Variants in RPE observed in about 807,000 individuals in gnomAD.
RPE encodes ribulose-phosphate 3-epimerase.
Under a neutral mutation model 24.6 loss-of-function variants are expected in RPE, and 16 were observed. That is an observed-to-expected ratio of 0.65 (90% CI 0.44 to 0.99). The LOEUF (loss-of-function observed/expected upper bound fraction) is 0.99. Among genes scored for constraint, RPE ranks in the 50% least tolerant of loss-of-function variants. The probability of loss-of-function intolerance (pLI) is 0.00; values close to 1 mark genes in which losing one functional copy is unlikely to be tolerated. For missense variants in RPE, 240 were observed against 294.5 expected (o/e 0.81, Z 1.35); for synonymous variants, 93 against 98.4 (o/e 0.94, Z 0.33).
In RPE at chr2:210,019,871, T is replaced by C. The variant is rs1399691533; in HGVS notation, c.*80T>C. On this transcript the variant is annotated 3_prime_UTR_variant, in exon 6 of 6. Transcript: ENST00000359429. ...AGGAATATTGACTACCAAATCACAATGCAATTGAAGCCGTACTGCTTTTTT... is the reference window on the plus strand; with the variant it reads ...AGGAATATTGACTACCAAATCACAACGCAATTGAAGCCGTACTGCTTTTTT... 5.3e-6 allele frequency: 8 copies of C among 1,509,532 alleles called. No individual in the cohort carries two copies. The Admixed American group carries it at 1.7e-4, about 32-fold the overall frequency. The allele number at this position is 1,509,532 out of a possible 1,614,324, so 93.5% of individuals were successfully genotyped here. A position where few individuals can be genotyped will look rare whatever the true frequency, so the allele number is the denominator to read the frequency against.
In RPE at chr2:210,009,712, C is replaced by G. The variant is rs760045848; in HGVS notation, c.178C>G (p.Gln60Glu). ...GHPVVESLRK[Q>E]LGQDPFFDMH... The stretch of plus-strand genomic sequence containing the variant: ...CCCTGTGGTAGAAAGCCTTCGAAAG[C>G]AGCTAGGCCAGGACCCTTTCTTTGG... The change falls in exon 2 of 6, where the codon CAG becomes GAG. Residue 60 changes from glutamine (Q) to glutamate (E), a missense_variant. Transcript: ENST00000359429. The G allele has an allele frequency of 6.2e-7, 1 of 1,614,164 alleles. No individual in the cohort carries two copies. Among genetic ancestry groups the G allele is most frequent in the Non-Finnish European group, 8.5e-7 (1 of 1,180,004 alleles).
intron 2 of RPE, 90 bp from the exon 3 acceptor site, chr2:210,015,883 C>T: frequency 7.2e-7 from 1 of 1,382,390 alleles, no homozygotes; most frequent in Non-Finnish European, 9.9e-7. Context: ...GAGTTCTTAT[C>T]AGAAGTGGCA....
intron 2 of RPE, among the ~76,000 whole-genome samples, chr2:210,011,726 C>T (rs1372121625): frequency 6.6e-6 from 1 of 151,888 alleles, no homozygotes; most frequent in East Asian, 1.9e-4. Flanking sequence ...GGCAAGAGTA[C>T]AGTGGTACAG....
At chr2:210,018,288 A>G (rs1376565520) in intron 5 of RPE, 6 of 1,483,128 alleles carry the variant, frequency 4.0e-6, no homozygotes, top group African/African-American at 1.4e-5. Flanking sequence ...TTTAGAACCT[A>G]CATATTATTT....
intron 1 of RPE, among the ~76,000 whole-genome samples, chr2:210,007,803 C>T (rs953415631): frequency 2.0e-5 from 3 of 152,132 alleles, no homozygotes; most frequent in African/African-American, 4.8e-5. Context: ...AGGATAATAC[C>T]TGCTGCTTTA....
At chr2:210,007,942 A>T (rs1364197146) in intron 1 of RPE, among the ~76,000 whole-genome samples, 1 of 152,168 alleles carries the variant, frequency 6.6e-6, no homozygotes, top group African/African-American at 2.4e-5. Context: ...TAAAGTGGCA[A>T]TAGGAAAGGA....
chr2:210,002,899 C>T (rs944519604), intron 1 of RPE, 116 bp downstream of exon 1: 56 of 1,580,230 alleles, frequency 3.5e-5, no homozygotes, highest in Non-Finnish European at 4.7e-5. Context: ...TCACTCTGAA[C>T]GCGATGCTAG....
At chr2:210,015,044 T>C (rs1373499512) in intron 2 of RPE, among the ~76,000 whole-genome samples, 1 of 152,240 alleles carries the variant, frequency 6.6e-6, no homozygotes, top group Non-Finnish European at 1.5e-5. Flanking sequence ...ATCAGGTTTC[T>C]TGCAGTCAAC....
chr2:210,012,046 T>C (rs2093707583), intron 2 of RPE, among the ~76,000 whole-genome samples: 1 of 152,202 alleles, frequency 6.6e-6, no homozygotes, highest in Non-Finnish European at 1.5e-5. Flanking sequence ...GGATAATTGA[T>C]ACATGAATGT....
intron 1 of RPE, 167 bp from the exon 2 acceptor site, chr2:210,009,489 TA>T: frequency 1.1e-6 from 1 of 880,782 alleles, no homozygotes; most frequent in Non-Finnish European, 1.7e-6. Flanking sequence ...CATTGCCTAG[TA>T]AAACCAAAAT....
chr2:210,016,200 A>G (rs751465956), intron 3 of RPE, 88 bp downstream of exon 3: 3 of 1,613,674 alleles, frequency 1.9e-6, no homozygotes, highest in Non-Finnish European at 2.5e-6. Flanking sequence ...TTTTTTTGAT[A>G]CAGTCTTGCT....
chr2:210,009,962 C>T (rs2125065879), intron 2 of RPE, among the ~76,000 whole-genome samples: 1 of 152,316 alleles, frequency 6.6e-6, no homozygotes, highest in Middle Eastern at 3.4e-3. Flanking sequence ...ATCTTTGGGC[C>T]TCAAGTCATT....
intron 1 of RPE, among the ~76,000 whole-genome samples, chr2:210,008,387 C>CTGGG (rs2093658558): frequency 6.6e-6 from 1 of 150,890 alleles, no homozygotes; most frequent in South Asian, 2.1e-4. Flanking sequence ...TCTCCACCTC[C>CTGGG]TGGGTACAAG....
In RPE at chr2:210,009,846, T is replaced by C. The variant is rs1184796440; in HGVS notation, c.202+110T>C. ...TCTGGCACCCTTTCCCCAACTTTCCTATCCTGGGTCTTCATTGGCCTGACT... is the reference window on the plus strand; with the variant it reads ...TCTGGCACCCTTTCCCCAACTTTCCCATCCTGGGTCTTCATTGGCCTGACT... On this transcript the variant is annotated intron_variant, in intron 2 of 5. Transcript: ENST00000359429. 4.9e-6 allele frequency: 7 copies of C among 1,442,118 alleles called. No individual in the cohort carries two copies. In the East Asian group the frequency reaches 6.8e-5, roughly 14 times the overall value. The allele number at this position is 1,442,118 out of a possible 1,614,324, so 89.3% of individuals were successfully genotyped here. A position where few individuals can be genotyped will look rare whatever the true frequency, so the allele number is the denominator to read the frequency against.
chr2:210,003,671 G>T (rs2093593654), intron 1 of RPE, among the ~76,000 whole-genome samples: 2 of 152,178 alleles, frequency 1.3e-5, no homozygotes, highest in African/African-American at 2.4e-5. Context: ...ACTGTTAACT[G>T]ACTATAAAAA....
intron 4 of RPE, among the ~76,000 whole-genome samples, chr2:210,016,933 T>G (rs2093780060): frequency 6.6e-6 from 1 of 152,202 alleles, no homozygotes; most frequent in African/African-American, 2.4e-5. Context: ...AGCCTTGACC[T>G]CCTGGACTCA....
chr2:210,008,470 A>G (rs1408223637), intron 1 of RPE, among the ~76,000 whole-genome samples: 1 of 151,196 alleles, frequency 6.6e-6, no homozygotes, highest in Non-Finnish European at 1.5e-5. Flanking sequence ...TAATTTTTAT[A>G]TTTTTAGTAG....
chr2:210,016,170 G>T lies in RPE; in HGVS notation c.342+58G>T, dbSNP rs1323495495. 4 of 1,613,708 alleles carry T rather than the reference G, an allele frequency of 2.5e-6. No individual in the cohort carries two copies. The Admixed American group carries it at 6.7e-5, about 27-fold the overall frequency. On this transcript the variant is annotated intron_variant, in intron 3 of 5. Transcript: ENST00000359429. Reference sequence around the variant, plus strand: ...TTCACTCTCAGTTGGGAAGATTTGCGGGAAACAGGAAATTTTCTCTTTTTT... The same window carrying T: ...TTCACTCTCAGTTGGGAAGATTTGCTGGAAACAGGAAATTTTCTCTTTTTT...
intron 2 of RPE, among the ~76,000 whole-genome samples, chr2:210,010,914 T>A (rs1222879140): frequency 6.6e-6 from 1 of 150,632 alleles, no homozygotes; most frequent in African/African-American, 2.4e-5. Context: ...TGACACTCCA[T>A]GTCAAAAAAA....
Sources: allele counts gnomAD v4.1 joint callset (sites outside exome capture counted in the v4.1 genomes callset), GRCh38; gene constraint gnomAD v4.1.1; transcripts MANE v1.5; gene names NCBI Gene and HGNC (gene_info 2026-07-23, HGNC 2026-07-21).